Variants in HTR2C observed in about 807,000 individuals in gnomAD.
The protein encoded by HTR2C is 5-hydroxytryptamine (serotonin) receptor 2C, G protein-coupled.
A neutral mutation model predicts 21.0 loss-of-function variants in HTR2C; 5 were observed. The observed-to-expected ratio is 0.24, with a 90% CI of 0.12 to 0.50. HTR2C has a LOEUF of 0.50. HTR2C is among the 20% of genes least tolerant of loss of function. The pLI is 0.98. For synonymous variants in HTR2C, 150 were observed against 145.3 expected, an observed-to-expected ratio of 1.03 and a Z score of -0.23; for missense variants, 271 against 371.2, an observed-to-expected ratio of 0.73 and a Z score of 2.22.
chrX:114,811,710 G>A (rs1392948660), intron 4 of HTR2C, among the ~76,000 whole-genome samples: 2 of 112,239 alleles, frequency 1.8e-5, no homozygotes, highest in African/African-American at 6.5e-5. Context: ...TAAATGCATA[G>A]TCTGAAAAGA....
intron 2 of HTR2C, among the ~76,000 whole-genome samples, chrX:114,622,156 T>C (rs1372133134): frequency 1.8e-5 from 2 of 111,910 alleles, no homozygotes; most frequent in Non-Finnish European, 3.8e-5. Context: ...TCAAGCCATT[T>C]TTCCATTGCT....
At chrX:114,610,337 C>G (rs1928670100) in intron 1 of HTR2C, among the ~76,000 whole-genome samples, 2 of 112,009 alleles carry the variant, frequency 1.8e-5, no homozygotes, top group South Asian at 3.7e-4. Context: ...AGGCAGCAAC[C>G]TTATCTATTA....
chrX:114,847,785 T>C, intron 4 of HTR2C, among the ~76,000 whole-genome samples: 1 of 111,049 alleles, frequency 9.0e-6, no homozygotes, highest in South Asian at 3.8e-4. Flanking sequence ...AAGAGATTAA[T>C]TTTATGTTGT....
intron 5 of HTR2C, among the ~76,000 whole-genome samples, chrX:114,897,778 T>A (rs1363906317): frequency 1.8e-5 from 2 of 112,822 alleles, no homozygotes; most frequent in Non-Finnish European, 1.9e-5. Flanking sequence ...GGTTTATATG[T>A]ACCACATTTT....
intron 2 of HTR2C, among the ~76,000 whole-genome samples, chrX:114,627,625 C>T (rs1929431359): frequency 9.0e-6 from 1 of 111,683 alleles, no homozygotes; most frequent in Non-Finnish European, 1.9e-5. Flanking sequence ...TAAGGAAGTG[C>T]TCTTATCAAC....
intron 2 of HTR2C, among the ~76,000 whole-genome samples, chrX:114,718,905 T>A (rs1933075784): frequency 9.7e-6 from 1 of 102,969 alleles, no homozygotes; most frequent in South Asian, 3.9e-4. Flanking sequence ...TAATTATAAA[T>A]TATATTAATT....
rs73636217 is a variant in HTR2C at position 114,903,439 on chromosome X, T to G, written c.551-3150T>G. Among the ~76,000 whole-genome samples, 824 of 112,429 alleles carry G rather than the reference T, an allele frequency of 7.3e-3. 11 individuals carry two copies. Among genetic ancestry groups the G allele is most frequent in the African/African-American group, 0.025 (771 of 30,972 alleles). On this transcript the variant is annotated intron_variant, in intron 5 of 5. Coordinates refer to ENST00000276198, the MANE Select transcript of HTR2C (RefSeq NM_000868.4). The stretch of plus-strand genomic sequence containing the variant: ...TATACATGGCTCAGTGCCTGGCACA[T>G]AGGATACACTCAATAAATGGCAGCT...
chrX:114,600,643 A>G (rs1007370729), intron 1 of HTR2C, among the ~76,000 whole-genome samples: 1 of 111,670 alleles, frequency 9.0e-6, no homozygotes, highest in South Asian at 3.7e-4. Flanking sequence ...TTTACTGGGA[A>G]ATAAAAGGCA....
In HTR2C at chrX:114,792,443, C is replaced by T. The variant is rs7884695; in HGVS notation, c.350-55560C>T. 2.6e-3 allele frequency among the ~76,000 whole-genome samples: 287 copies of T among 111,723 alleles called. 1 individual carries two copies. The highest frequency in any genetic ancestry group is 8.9e-3 in the African/African-American group (274 of 30,787). Reference sequence around the variant, plus strand: ...GCTTCATCCATGTCCCTGCAAAGGACATGATCTCATTCCTTTTTTTGGCTG... The same window carrying T: ...GCTTCATCCATGTCCCTGCAAAGGATATGATCTCATTCCTTTTTTTGGCTG... On this transcript the variant is annotated intron_variant, in intron 4 of 5. Coordinates refer to ENST00000276198, the MANE Select transcript of HTR2C (RefSeq NM_000868.4).
intron 4 of HTR2C, among the ~76,000 whole-genome samples, chrX:114,804,957 GA>G (rs2070387225): frequency 9.0e-6 from 1 of 111,523 alleles, no homozygotes. Flanking sequence ...ATGCCAAGAG[GA>G]AGGCTTATCT....
intron 2 of HTR2C, among the ~76,000 whole-genome samples, chrX:114,645,109 G>A (rs1187564983): frequency 7.2e-5 from 8 of 110,631 alleles, no homozygotes; most frequent in African/African-American, 2.6e-4. Flanking sequence ...GAGGGCAGGG[G>A]GCAGACAGAA....
intron 5 of HTR2C, among the ~76,000 whole-genome samples, chrX:114,848,408 A>G (rs2070890742): frequency 1.8e-5 from 2 of 112,374 alleles, no homozygotes; most frequent in African/African-American, 6.5e-5. Context: ...ATGTAAATAT[A>G]AAGTTTCCAT....
At chrX:114,685,463 T>A (rs1271486190) in intron 2 of HTR2C, among the ~76,000 whole-genome samples, 1 of 112,398 alleles carries the variant, frequency 8.9e-6, no homozygotes, top group African/African-American at 3.2e-5. Flanking sequence ...AGTGAAGTGC[T>A]AACTTCCTAC....
At chrX:114,741,027 A>G (rs1266896746) in intron 4 of HTR2C, among the ~76,000 whole-genome samples, 2 of 111,246 alleles carry the variant, frequency 1.8e-5, no homozygotes, top group Non-Finnish European at 1.9e-5. Context: ...GTAAATTCAT[A>G]GTGGTAGTAG....
rs782150732 is a variant in HTR2C at position 114,902,574 on chromosome X, G to C, written c.551-4015G>C. Among the ~76,000 whole-genome samples, 430 of 110,475 alleles carry C rather than the reference G, an allele frequency of 3.9e-3. 1 individual carries two copies. Among genetic ancestry groups the C allele is most frequent in the Non-Finnish European group, 5.6e-3 (298 of 52,866 alleles). ...CCAAAACAAATCAGAGAGAAAACAG[G>C]CATTGTTTTACAGTTTTGAAAATTT... On this transcript the variant is annotated intron_variant, in intron 5 of 5. Coordinates refer to ENST00000276198, the MANE Select transcript of HTR2C (RefSeq NM_000868.4).
rs782667775 is a variant in HTR2C at position 114,726,777 on chromosome X, A to G, written c.-79-81A>G. ...ACTGTTTCTTATCACCATTAAGTGC[A>G]TTTAAGTTTATTTAATTGGTTACTA... On this transcript the variant is annotated intron_variant, in intron 2 of 5. Coordinates refer to ENST00000276198, the MANE Select transcript of HTR2C (RefSeq NM_000868.4). 31 of 407,476 alleles carry G rather than the reference A, an allele frequency of 7.6e-5. No homozygotes were observed. The South Asian group carries it at 1.3e-3, about 18-fold the overall frequency. The allele number at this position is 407,476 out of a possible 1,213,427, so 33.6% of individuals were successfully genotyped here.
chrX:114,811,919 C>CATAGGAATGCATAGCATAAAAA (rs1427378270), intron 4 of HTR2C, among the ~76,000 whole-genome samples: 1 of 111,709 alleles, frequency 9.0e-6, no homozygotes, highest in Admixed American at 9.5e-5. Flanking sequence ...GCTATGCAGC[C>CATAGGAATGCATAGCATAAAAA]ATAATTTTTG....
In HTR2C at chrX:114,876,422, C is replaced by CTTTTT. The variant is rs60498146; in HGVS notation, c.550+28232_550+28236dup. Among the ~76,000 whole-genome samples, 41 of 62,377 alleles carry CTTTTT rather than the reference C, an allele frequency of 6.6e-4. 1 individual carries two copies. Among genetic ancestry groups the CTTTTT allele is most frequent in the African/African-American group, 1.4e-3 (22 of 16,290 alleles). The allele number at this position is 62,377 out of a possible 115,157, so 54.2% of individuals were successfully genotyped here. A position where few individuals can be genotyped will look rare whatever the true frequency, so the allele number is the denominator to read the frequency against. ...TTTCTTTCTTTCTTTCTTTTTCTTT[C>CTTTTT]TTTTTTTTTTTTTTTTTGCCTGCTT... On this transcript the variant is annotated intron_variant, in intron 5 of 5. Transcript: ENST00000276198.
chrX:114,683,741 G>A (rs782775343), intron 2 of HTR2C, among the ~76,000 whole-genome samples: 1 of 111,482 alleles, frequency 9.0e-6, no homozygotes, highest in Non-Finnish European at 1.9e-5. Context: ...GTTGCTGTGA[G>A]TCAAGATGGT....
Sources: allele counts gnomAD v4.1 joint callset (sites outside exome capture counted in the v4.1 genomes callset), GRCh38; gene constraint gnomAD v4.1.1; transcripts MANE v1.5; gene names NCBI Gene and HGNC (gene_info 2026-07-23, HGNC 2026-07-21).